Variants in UBE2H observed in about 807,000 individuals in gnomAD.
UBE2H encodes ubiquitin conjugating enzyme E2 H, also known as ubiquitin-conjugating enzyme E2 H.
A neutral mutation model predicts 29.0 loss-of-function variants in UBE2H; 3 were observed. The ratio of observed to expected loss-of-function variants is 0.10; its 90% CI spans 0.05 to 0.27. The LOEUF (loss-of-function observed/expected upper bound fraction) is 0.27. UBE2H is among the 10% of genes least tolerant of loss of function. UBE2H has a pLI of 1.00. For synonymous variants in UBE2H, 69 were observed against 82.9 expected, an observed-to-expected ratio of 0.83 and a Z score of 0.91; for missense variants, 68 against 228.2, an observed-to-expected ratio of 0.30 and a Z score of 4.52.
At chr7:129,903,125 G>A (rs1441601185) in intron 1 of UBE2H, among the ~76,000 whole-genome samples, 1 of 152,178 alleles carries the variant, frequency 6.6e-6, no homozygotes, top group African/African-American at 2.4e-5. Context: ...AGGGAGGAAA[G>A]AAGCCTTGCA....
intron 3 of UBE2H, among the ~76,000 whole-genome samples, chr7:129,867,578 T>G (rs1237680022): frequency 1.1e-5 from 1 of 92,546 alleles, no homozygotes; most frequent in Non-Finnish European, 2.1e-5. Context: ...AGGGATAGCA[T>G]TGGGAGATAT....
At chr7:129,942,128 T>C (rs1584800670) in intron 1 of UBE2H, among the ~76,000 whole-genome samples, 1 of 146,090 alleles carries the variant, frequency 6.8e-6, no homozygotes, top group South Asian at 2.1e-4. Context: ...GAGGATTGAG[T>C]TCAGAATCCG....
intron 1 of UBE2H, among the ~76,000 whole-genome samples, chr7:129,918,362 C>CTTTT (rs777719323): frequency 7.2e-6 from 1 of 139,716 alleles, no homozygotes; most frequent in Non-Finnish European, 1.6e-5. Flanking sequence ...AATCCAAATT[C>CTTTT]TTTTTTTTTT....
At chr7:129,938,253 T>C (rs112097334) in intron 1 of UBE2H, among the ~76,000 whole-genome samples, 6 of 150,404 alleles carry the variant, frequency 4.0e-5, no homozygotes, top group African/African-American at 1.5e-4. Context: ...TCTACAAAAA[T>C]ATACAAAAAT....
intron 1 of UBE2H, among the ~76,000 whole-genome samples, chr7:129,885,719 C>A (rs1309382275): frequency 1.3e-5 from 2 of 152,122 alleles, no homozygotes; most frequent in Non-Finnish European, 2.9e-5. Flanking sequence ...TTTTACCAAA[C>A]CAGTAAAATG....
At chr7:129,937,282 T>C (rs1305269867) in intron 1 of UBE2H, among the ~76,000 whole-genome samples, 1 of 151,454 alleles carries the variant, frequency 6.6e-6, no homozygotes, top group Non-Finnish European at 1.5e-5. Flanking sequence ...TGAGCCGAGA[T>C]CACACAACTG....
chr7:129,952,439 G>A, intron 1 of UBE2H, 64 bp downstream of exon 1: 1 of 1,588,408 alleles, frequency 6.3e-7, no homozygotes, highest in Non-Finnish European at 8.6e-7. Context: ...TGGTTCCGGG[G>A]GTGCCCTGGG....
At position 129,863,660 on chromosome 7, in the gene UBE2H, T is replaced by C. The variant is rs1223703374; in HGVS notation, c.206-4719A>G. Among the ~76,000 whole-genome samples, 5 of 152,040 alleles carry C rather than the reference T, an allele frequency of 3.3e-5. No homozygotes were observed. The East Asian group carries it at 7.7e-4, about 23-fold the overall frequency. On this transcript the variant is annotated intron_variant, in intron 3 of 6. Coordinates refer to ENST00000355621, the MANE Select transcript of UBE2H (RefSeq NM_003344.4). ...AAACCACCAACATGATAAAATACCA[T>C]AAAGAGCCACAAAACAAACCCTCTG...
At chr7:129,927,383 T>C (rs1171666153) in intron 1 of UBE2H, among the ~76,000 whole-genome samples, 1 of 152,030 alleles carries the variant, frequency 6.6e-6, no homozygotes, top group Non-Finnish European at 1.5e-5. Flanking sequence ...CTACTAAAAA[T>C]ACAAAAATTA....
chr7:129,948,497 A>T (rs1807808716), intron 1 of UBE2H, among the ~76,000 whole-genome samples: 1 of 152,134 alleles, frequency 6.6e-6, no homozygotes. Flanking sequence ...CCTGCAAATG[A>T]GTCAGTTAAG....
intron 1 of UBE2H, among the ~76,000 whole-genome samples, chr7:129,895,413 AG>A (rs1417945272): frequency 1.3e-5 from 2 of 152,218 alleles, no homozygotes; most frequent in Non-Finnish European, 2.9e-5. Context: ...TGGCAAGACA[AG>A]GAAAACAAAT....
At chr7:129,946,219 A>ATTTCTT (rs1554442126) in intron 1 of UBE2H, among the ~76,000 whole-genome samples, 1 of 137,762 alleles carries the variant, frequency 7.3e-6, no homozygotes, top group East Asian at 2.4e-4. Context: ...CGCCCGGCTA[A>ATTTCTT]TTTTTTTTTT....
chr7:129,886,758 G>GTTTTTTGGTTT (rs149930321), intron 1 of UBE2H, among the ~76,000 whole-genome samples: 1 of 40,302 alleles, frequency 2.5e-5, no homozygotes, highest in Non-Finnish European at 4.9e-5. Context: ...CTGGTTTTTT[G>GTTTTTTGGTTT]TTTTTTGGTA....
chr7:129,897,619 G>T (rs1806624379), intron 1 of UBE2H, among the ~76,000 whole-genome samples: 1 of 152,134 alleles, frequency 6.6e-6, no homozygotes, highest in African/African-American at 2.4e-5. Flanking sequence ...AACTACAGAT[G>T]GATACACTAG....
rs943681485 is a variant in UBE2H, at chr7:129,891,385, G to C, written c.54-10414C>G. ...CCTGTTTCTTAATCTCTAAACAAAG[G>C]GGGAGGGGATGCAGGGAAGGGACAT... On this transcript the variant is annotated intron_variant, in intron 1 of 6. Coordinates refer to ENST00000355621, the MANE Select transcript of UBE2H (RefSeq NM_003344.4). Among the ~76,000 whole-genome samples, 19 of 152,062 alleles carry C rather than the reference G, an allele frequency of 1.2e-4. No individual in the cohort carries two copies. In the South Asian group the frequency reaches 1.7e-3, roughly 13 times the overall value.
chr7:129,880,159 A>G (rs926812370), intron 2 of UBE2H, among the ~76,000 whole-genome samples: 23 of 152,178 alleles, frequency 1.5e-4, no homozygotes, highest in Non-Finnish European at 2.5e-4. Flanking sequence ...AATATTAGAG[A>G]AAAAAATCCA....
intron 5 of UBE2H, among the ~76,000 whole-genome samples, chr7:129,845,542 G>A (rs1805497289): frequency 6.6e-6 from 1 of 152,186 alleles, no homozygotes; most frequent in African/African-American, 2.4e-5. Context: ...CTAGGCAGAG[G>A]TGTGCCAAAC....
At chr7:129,875,205 TAACTG>T (rs1360733466) in intron 3 of UBE2H, among the ~76,000 whole-genome samples, 18 of 152,244 alleles carry the variant, frequency 1.2e-4, no homozygotes, top group African/African-American at 4.3e-4. Flanking sequence ...TAGTCTCCTT[TAACTG>T]AACAGCTATG....
intron 6 of UBE2H, among the ~76,000 whole-genome samples, chr7:129,835,376 G>A (rs1347931805): frequency 6.6e-6 from 1 of 152,078 alleles, no homozygotes; most frequent in Non-Finnish European, 1.5e-5. Context: ...GGAGCCCCAC[G>A]CTTTCTTTTT....
Sources: gnomAD v4.1 joint callset for allele counts (sites outside exome capture counted in the v4.1 genomes callset) on GRCh38, gnomAD v4.1.1 for gene constraint, MANE v1.5 for transcripts, NCBI Gene and HGNC (gene_info 2026-07-23, HGNC 2026-07-21) for gene names.